Variants in TBRG1 observed in about 807,000 individuals in gnomAD.
The protein encoded by TBRG1 is nuclear interactor of ARF and MDM2.
Under a neutral mutation model 44.0 loss-of-function variants are expected in TBRG1, and 31 were observed. The observed-to-expected ratio is 0.70, with a 90% CI of 0.53 to 0.95. The LOEUF is 0.95. TBRG1 is among the 40% of genes least tolerant of loss of function. The probability of loss-of-function intolerance (pLI) is 0.00; values close to 1 mark genes in which losing one functional copy is unlikely to be tolerated. For synonymous variants in TBRG1, 171 were observed against 188.1 expected (o/e 0.91, Z 0.74); for missense variants, 487 against 496.1 (o/e 0.98, Z 0.18).
intron 1 of TBRG1, among the ~76,000 whole-genome samples, chr11:124,624,378 A>AG (rs1484684100): frequency 6.7e-6 from 1 of 148,440 alleles, no homozygotes; most frequent in Non-Finnish European, 1.5e-5. Context: ...AAAAAAAAAA[A>AG]AAAAAGAAAA....
At position 124,630,757 on chromosome 11, in the gene TBRG1, G is replaced by A; in HGVS notation, c.849G>A (p.Met283Ile). Residue 283 changes from methionine (M) to isoleucine (I), a missense_variant, in exon 7 of 9, where the codon ATG (methionine) becomes ATA (isoleucine). Transcript: ENST00000441174. ...CTCTCCTGTTTAGGGGGAAACTAAT[G>A]CCTAACCTGCTTCCAGCTGGAGCTG... ...RTISTTMGKL[M>I]PNLLPAGADF... The A allele has an allele frequency of 6.2e-7, 1 of 1,604,814 alleles. No individual in the cohort carries two copies. The highest frequency in any genetic ancestry group is 1.1e-5 in the South Asian group (1 of 89,028).
In TBRG1 at chr11:124,635,831, A is replaced by T. The variant is rs190916194; in HGVS notation, c.*3593A>T. 76 of 152,332 alleles carry T rather than the reference A, an allele frequency of 5.0e-4. No individual in the cohort carries two copies. The highest frequency in any genetic ancestry group is 1.7e-3 in the Admixed American group (26 of 15,306). The allele number at this position is 152,332 out of a possible 1,614,324, so 9.4% of individuals were successfully genotyped here. The stretch of plus-strand genomic sequence containing the variant: ...TGCTTTTATTTATTTCCAACTTCTT[A>T]TAGGTAACATAATTTTCAGACAATG... On this transcript the variant is annotated 3_prime_UTR_variant, in exon 9 of 9. Coordinates refer to ENST00000441174, the MANE Select transcript of TBRG1 (RefSeq NM_032811.3).
rs755857124 is a variant in TBRG1 at position 124,625,660 on chromosome 11, CCTGATCTCAGGTA to C, written c.222-8_226del. 3.9e-6 allele frequency: 6 copies of C among 1,548,712 alleles called. No homozygotes were observed. The highest frequency in any genetic ancestry group is 5.2e-6 in the Non-Finnish European group (6 of 1,146,190). On this transcript the variant is annotated splice_acceptor_variant and splice_polypyrimidine_tract_variant and coding_sequence_variant and intron_variant, in exon 3 of 9. Transcript: ENST00000441174. LOFTEE classifies it high-confidence loss of function. ...AGTTCATTTCTCTGCTCCTTTCCTT[CCTGATCTCAGGTA>C]CTTGCTAAAGAAGCTCCTCCAGCTT...
rs1232142046 is a variant in TBRG1 at position 124,625,880 on chromosome 11, G to A, written c.431G>A (p.Gly144Asp). ...KKTKKEKKEKGKENNKLEVLK... is the reference protein window; with the variant it reads ...KKTKKEKKEKDKENNKLEVLK... ...ACTAAGAAGGAGAAAAAAGAAAAAG[G>A]CAAAGAGAACAACAAACTGGAAGGT... is the stretch of plus-strand genomic sequence containing the variant. Residue 144 changes from glycine to aspartate, a missense_variant, in exon 3 of 9, where the codon GGC (glycine) becomes GAC (aspartate). Transcript: ENST00000441174. The A allele has an allele frequency of 3.2e-6, 5 of 1,578,890 alleles. No individual in the cohort carries two copies. The highest frequency in any genetic ancestry group is 1.2e-5 in the South Asian group (1 of 85,018).
chr11:124,622,940 A>G lies in TBRG1; in HGVS notation c.-144A>G, dbSNP rs1339036932. 11 of 903,640 alleles carry G rather than the reference A, an allele frequency of 1.2e-5. No homozygotes were observed. The Admixed American group carries it at 3.4e-4, about 28-fold the overall frequency. 56.0% of individuals were successfully genotyped at this position (903,640 alleles called of 1,614,324 possible). ...TGCGGGTGTCTCTGGCCCTGCGGTC[A>G]GCCCTGGGAACGTCCCGGAGAGCTA... On this transcript the variant is annotated 5_prime_UTR_variant, in exon 1 of 9. Coordinates refer to ENST00000441174, the MANE Select transcript of TBRG1 (RefSeq NM_032811.3).
chr11:124,623,428 A>G, intron 1 of TBRG1, 195 bp downstream of exon 1: 1 of 709,678 alleles, frequency 1.4e-6, no homozygotes, highest in Non-Finnish European at 2.5e-6. Flanking sequence ...ATGAGCTAGT[A>G]ACTGTCTTGC....
At chr11:124,631,849 G>T (rs1942618363) in intron 8 of TBRG1, 1 of 472,112 alleles carries the variant, frequency 2.1e-6, no homozygotes, top group Non-Finnish European at 3.8e-6. Flanking sequence ...GAAAACTCTG[G>T]GTTAAAAAAT....
Position 124,630,781 on chromosome 11 carries a change from T to C in TBRG1, c.873T>C (p.Ala291=). The change falls in exon 7 of 9, where the codon GCT becomes GCC. Residue 291 remains alanine (A), a synonymous_variant. Coordinates refer to ENST00000441174, the MANE Select transcript of TBRG1 (RefSeq NM_032811.3). ...KLMPNLLPAG[A]DFFGFSHPAI... is the part of the protein sequence containing the mutation. ...TGCCTAACCTGCTTCCAGCTGGAGCTGACTTTTTTGGATTTTCTCATCCAG... is the reference window on the plus strand; with the variant it reads ...TGCCTAACCTGCTTCCAGCTGGAGCCGACTTTTTTGGATTTTCTCATCCAG... The C allele has an allele frequency of 6.2e-7, 1 of 1,608,142 alleles. No homozygotes were observed. The highest frequency in any genetic ancestry group is 1.1e-5 in the South Asian group (1 of 89,394).
intron 1 of TBRG1, chr11:124,623,555 T>TA: frequency 2.5e-6 from 1 of 398,674 alleles, no homozygotes; most frequent in Non-Finnish European, 4.8e-6. Flanking sequence ...ATTCTCGAGA[T>TA]ACAGCCCTGA....
chr11:124,633,867 C>T lies in TBRG1; in HGVS notation c.*1629C>T, dbSNP rs564294372. 6.6e-6 allele frequency: 1 copy of T among 152,204 alleles called. No homozygotes were observed. The highest frequency in any genetic ancestry group is 2.4e-5 in the African/African-American group (1 of 41,536). 9.4% of individuals were successfully genotyped at this position (152,204 alleles called of 1,614,324 possible). ...TCCCACTATTACAGCCTGAGTAATA[C>T]CCGTATTAAAAGAGCCTCATTTTAG... On this transcript the variant is annotated 3_prime_UTR_variant, in exon 9 of 9. Coordinates refer to ENST00000441174, the MANE Select transcript of TBRG1 (RefSeq NM_032811.3).
rs1942475524 is a variant in TBRG1, at chr11:124,626,583, G to C, written c.565G>C (p.Gly189Arg). The change falls in exon 4 of 9, where the codon GGT (glycine) becomes CGT (arginine). Residue 189 changes from glycine to arginine, a missense_variant. Physicochemically the swap from Gly to Arg is moderately radical, Grantham distance 125. Transcript: ENST00000441174. ...GCCTGTGTTCCCCATCGGACTAGGG[G>C]GTCTAACAGTATATAGCCTGGGGGA... The part of the protein sequence containing the change: ...GRPVFPIGLG[G>R]LTVYSLGEII... The C allele has an allele frequency of 6.4e-7, 1 of 1,551,606 alleles. No homozygotes were observed. Among genetic ancestry groups the C allele is most frequent in the Non-Finnish European group, 8.7e-7 (1 of 1,146,926 alleles).
intron 5 of TBRG1, among the ~76,000 whole-genome samples, chr11:124,628,073 A>G (rs1163253986): frequency 4.9e-5 from 2 of 40,740 alleles, no homozygotes; most frequent in Admixed American, 2.2e-4. Flanking sequence ...TTTTATATAT[A>G]TATATATATA....
chr11:124,627,818 C>G (rs866479480), intron 5 of TBRG1, among the ~76,000 whole-genome samples: 2 of 151,824 alleles, frequency 1.3e-5, no homozygotes, highest in Admixed American at 6.6e-5. Flanking sequence ...ATTATTGTAA[C>G]GGTATACCAT....
At position 124,630,744 on chromosome 11, in the gene TBRG1, G is replaced by A. The variant is rs760969833; in HGVS notation, c.837-1G>A. 6.3e-7 allele frequency: 1 copy of A among 1,599,714 alleles called. No homozygotes were observed. The highest frequency in any genetic ancestry group is 1.1e-5 in the South Asian group (1 of 88,602). On this transcript the variant is annotated splice_acceptor_variant, in intron 6 of 8. Transcript: ENST00000441174. LOFTEE classifies it high-confidence loss of function. ...ACTAAAATTATCCCTCTCCTGTTTA[G>A]GGGGAAACTAATGCCTAACCTGCTT...
At chr11:124,626,631 T>C in intron 4 of TBRG1, 22 bp downstream of exon 4, 1 of 1,551,220 alleles carries the variant, frequency 6.4e-7, no homozygotes, top group Non-Finnish European at 8.7e-7. Flanking sequence ...CAGCGATATA[T>C]AGAGAGGAGA....
At chr11:124,625,966 G>A in intron 3 of TBRG1, 63 bp downstream of exon 3, 1 of 1,471,364 alleles carries the variant, frequency 6.8e-7, no homozygotes, top group East Asian at 2.4e-5. Flanking sequence ...GTTAGACCTG[G>A]TACTAACTGA....
At chr11:124,625,590 C>A in intron 2 of TBRG1, 81 bp from the exon 3 acceptor site, 1 of 1,296,128 alleles carries the variant, frequency 7.7e-7, no homozygotes, top group Non-Finnish European at 1.1e-6. Context: ...ATAATTCTGG[C>A]TTTTCCCAGT....
At chr11:124,629,598 T>C (rs938484725) in intron 5 of TBRG1, among the ~76,000 whole-genome samples, 1 of 152,196 alleles carries the variant, frequency 6.6e-6, no homozygotes, top group Non-Finnish European at 1.5e-5. Flanking sequence ...TAGTGGAAAC[T>C]ATACTCAGTA....
At chr11:124,626,653 A>G in intron 4 of TBRG1, 44 bp downstream of exon 4, 1 of 1,549,156 alleles carries the variant, frequency 6.5e-7, no homozygotes. Context: ...TCAGGGAAAT[A>G]CGGGAATGGG....
Sources: allele counts gnomAD v4.1 joint callset (sites outside exome capture counted in the v4.1 genomes callset), GRCh38; gene constraint gnomAD v4.1.1; transcripts MANE v1.5; gene names NCBI Gene and HGNC (gene_info 2026-07-23, HGNC 2026-07-21).